The following PCDH9 variants were observed in gnomAD, a reference collection of about 807,000 sequenced individuals.
PCDH9 encodes the protein protocadherin 9.
A neutral mutation model predicts 70.6 loss-of-function variants in PCDH9; 24 were observed. The ratio of observed to expected loss-of-function variants is 0.34; its 90% CI spans 0.25 to 0.48. PCDH9 has a LOEUF of 0.48. Ranked by LOEUF, PCDH9 falls within the 20% of genes least tolerant of loss-of-function variation. The pLI is 0.99. For synonymous variants in PCDH9, 562 were observed against 558.5 expected, an observed-to-expected ratio of 1.01 and a Z score of -0.09; for missense variants, 1,281 against 1,503.6, an observed-to-expected ratio of 0.85 and a Z score of 2.45.
chr13:66,482,310 T>G (rs1260813295), intron 4 of PCDH9, among the ~76,000 whole-genome samples: 1 of 152,170 alleles, frequency 6.6e-6, no homozygotes, highest in Non-Finnish European at 1.5e-5. Flanking sequence ...CGTTTGTCAT[T>G]TCCGTCTCCC....
chr13:66,960,912 A>C (rs2083335491), intron 2 of PCDH9, among the ~76,000 whole-genome samples: 1 of 152,152 alleles, frequency 6.6e-6, no homozygotes, highest in African/African-American at 2.4e-5. Flanking sequence ...TTAGAGTATC[A>C]ATTGGTAAAA....
chr13:67,195,435 G>A (rs554776943), intron 2 of PCDH9, among the ~76,000 whole-genome samples: 1 of 152,044 alleles, frequency 6.6e-6, no homozygotes, highest in East Asian at 1.9e-4. Context: ...GAGCCACCGC[G>A]TACATTTTGA....
intron 4 of PCDH9, among the ~76,000 whole-genome samples, chr13:66,500,497 TTTTG>T (rs1452012023): frequency 6.6e-6 from 1 of 152,114 alleles, no homozygotes; most frequent in East Asian, 1.9e-4. Flanking sequence ...GGATAAGTTT[TTTTG>T]TTTGTTTGTT....
chr13:66,846,606 T>C (rs1333736093), intron 3 of PCDH9, among the ~76,000 whole-genome samples: 1 of 152,164 alleles, frequency 6.6e-6, no homozygotes, highest in Non-Finnish European at 1.5e-5. Context: ...TTATATTTTA[T>C]CTTCGCTTTC....
At chr13:66,448,254 T>G (rs1274641130) in intron 4 of PCDH9, among the ~76,000 whole-genome samples, 1 of 152,218 alleles carries the variant, frequency 6.6e-6, no homozygotes. Context: ...TTTTGTATTT[T>G]TGATGGCTCA....
intron 3 of PCDH9, among the ~76,000 whole-genome samples, chr13:66,791,905 T>G (rs1459137963): frequency 6.6e-6 from 1 of 152,166 alleles, no homozygotes; most frequent in Non-Finnish European, 1.5e-5. Flanking sequence ...CATTGCATTA[T>G]GCACACAAAA....
At chr13:67,054,385 G>A (rs2085379198) in intron 2 of PCDH9, among the ~76,000 whole-genome samples, 2 of 152,152 alleles carry the variant, frequency 1.3e-5, no homozygotes, top group Admixed American at 6.6e-5. Context: ...ATCTTGGAAT[G>A]TGTGAGCTTT....
At chr13:66,733,651 T>C (rs889065684) in intron 3 of PCDH9, among the ~76,000 whole-genome samples, 4 of 147,306 alleles carry the variant, frequency 2.7e-5, no homozygotes, top group Non-Finnish European at 6.0e-5. Flanking sequence ...GGCATTTTCA[T>C]ATATAGAAAA....
chr13:66,346,889 A>G (rs895926629), intron 4 of PCDH9, among the ~76,000 whole-genome samples: 1 of 152,194 alleles, frequency 6.6e-6, no homozygotes, highest in Non-Finnish European at 1.5e-5. Flanking sequence ...TTAATTTTAA[A>G]TAAAGCCACA....
chr13:66,859,037 A>C (rs1434879215), intron 3 of PCDH9: 1 of 152,204 alleles, frequency 6.6e-6, no homozygotes, highest in Non-Finnish European at 1.5e-5. Context: ...CAGTGCCCTG[A>C]ATATCAGCTG....
intron 4 of PCDH9, among the ~76,000 whole-genome samples, chr13:66,421,837 T>C (rs1258115352): frequency 6.6e-6 from 1 of 152,148 alleles, no homozygotes; most frequent in Admixed American, 6.5e-5. Context: ...ACAGGCTAAA[T>C]GCCCCAATTA....
chr13:67,157,440 G>C, intron 2 of PCDH9, among the ~76,000 whole-genome samples: 1 of 152,200 alleles, frequency 6.6e-6, no homozygotes, highest in Non-Finnish European at 1.5e-5. Flanking sequence ...TATACTAAGG[G>C]CAAGTTTAAG....
At chr13:66,534,909 T>G (rs1960627022) in intron 4 of PCDH9, among the ~76,000 whole-genome samples, 2 of 152,108 alleles carry the variant, frequency 1.3e-5, no homozygotes, top group African/African-American at 4.8e-5. Context: ...CTATAGTTAT[T>G]AATACCTGGC....
chr13:66,704,067 T>C (rs1179113053), intron 3 of PCDH9, among the ~76,000 whole-genome samples: 1 of 152,222 alleles, frequency 6.6e-6, no homozygotes. Context: ...AAGTGCTTTC[T>C]TACTTTTAGG....
intron 2 of PCDH9, among the ~76,000 whole-genome samples, chr13:67,186,135 G>C (rs2088753800): frequency 6.6e-6 from 1 of 152,052 alleles, no homozygotes; most frequent in African/African-American, 2.4e-5. Context: ...CAATCAATAT[G>C]AAACAATCGG....
rs2078063127 is a variant in PCDH9, at chr13:66,664,356, T to C, written c.3139-32945A>G. Among the ~76,000 whole-genome samples, 5 of 152,192 alleles carry C rather than the reference T, an allele frequency of 3.3e-5. No individual in the cohort carries two copies. The South Asian group carries it at 1.0e-3, about 32-fold the overall frequency. ...AGAGAGGATTAATAGTAGTTTGTTA[T>C]GACTTCCAGGAAAGCTGGAGGTTGA... On this transcript the variant is annotated intron_variant, in intron 3 of 4. Transcript: ENST00000377865.
intron 3 of PCDH9, among the ~76,000 whole-genome samples, chr13:66,758,474 G>C (rs190383940): frequency 6.6e-6 from 1 of 152,004 alleles, no homozygotes; most frequent in East Asian, 1.9e-4. Context: ...GAGGTACAAT[G>C]TGATGTTTTA....
chr13:67,066,079 T>C (rs2138140691), intron 2 of PCDH9, among the ~76,000 whole-genome samples: 1 of 152,286 alleles, frequency 6.6e-6, no homozygotes, highest in East Asian at 1.9e-4. Flanking sequence ...AGAAATTTAG[T>C]TTTCAAAAAT....
intron 4 of PCDH9, among the ~76,000 whole-genome samples, chr13:66,566,588 T>C (rs2076655457): frequency 1.3e-5 from 2 of 152,184 alleles, no homozygotes; most frequent in Non-Finnish European, 2.9e-5. Context: ...GTAAAATGAC[T>C]ATATTAAAAT....
Sources: gnomAD v4.1 joint callset for allele counts (sites outside exome capture counted in the v4.1 genomes callset) on GRCh38, gnomAD v4.1.1 for gene constraint, MANE v1.5 for transcripts, NCBI Gene and HGNC (gene_info 2026-07-23, HGNC 2026-07-21) for gene names.